Variants in ZNF704 observed in about 807,000 individuals in gnomAD.
ZNF704 encodes the protein glucocorticoid induced gene 1.
Under a neutral mutation model 44.7 loss-of-function variants are expected in ZNF704, and 10 were observed. The observed-to-expected ratio is 0.22, with a 90% CI of 0.14 to 0.38. The LOEUF is 0.38. Among genes scored for constraint, ZNF704 ranks in the 10% least tolerant of loss-of-function variants. The pLI, the probability that ZNF704 is intolerant of heterozygous loss-of-function variation, is 1.00. For synonymous variants in ZNF704, 211 were observed against 207.6 expected (o/e 1.02, Z -0.14); for missense variants, 390 against 545.5 (o/e 0.71, Z 2.84).
chr8:80,872,804 C>T (rs1252557102), intron 1 of ZNF704, among the ~76,000 whole-genome samples: 2 of 152,150 alleles, frequency 1.3e-5, no homozygotes, highest in African/African-American at 4.8e-5. Context: ...AGCAGAAACT[C>T]ACATCCAATT....
intron 2 of ZNF704, among the ~76,000 whole-genome samples, chr8:80,774,544 C>T (rs1011571880): frequency 6.6e-6 from 1 of 152,124 alleles, no homozygotes; most frequent in African/African-American, 2.4e-5. Context: ...TCTGATTCCC[C>T]ACACAGTCTC....
chr8:80,788,588 G>C (rs887118969), intron 2 of ZNF704, among the ~76,000 whole-genome samples: 2 of 152,148 alleles, frequency 1.3e-5, no homozygotes, highest in African/African-American at 4.8e-5. Context: ...ATTTCATCTT[G>C]TGTCTGCCTG....
intron 2 of ZNF704, among the ~76,000 whole-genome samples, chr8:80,693,439 G>A (rs1336359145): frequency 6.6e-6 from 1 of 152,188 alleles, no homozygotes; most frequent in Non-Finnish European, 1.5e-5. Flanking sequence ...GGAGCCTAGA[G>A]GACGGTGGGA....
chr8:80,811,213 C>CA (rs201743045), intron 2 of ZNF704, among the ~76,000 whole-genome samples: 14 of 146,842 alleles, frequency 9.5e-5, no homozygotes, highest in Admixed American at 2.0e-4. Flanking sequence ...ATTGAGCATG[C>CA]AAAAAAAAAG....
chr8:80,755,404 G>A (rs1003274904), intron 2 of ZNF704, among the ~76,000 whole-genome samples: 3 of 152,084 alleles, frequency 2.0e-5, no homozygotes, highest in Non-Finnish European at 2.9e-5. Flanking sequence ...GCAGTGAGCC[G>A]AGATCGTGCC....
At chr8:80,767,765 T>C (rs1405982460) in intron 2 of ZNF704, among the ~76,000 whole-genome samples, 3 of 152,188 alleles carry the variant, frequency 2.0e-5, no homozygotes, top group Non-Finnish European at 4.4e-5. Flanking sequence ...TACAAAGAAA[T>C]TCACTTCGCT....
At chr8:80,868,514 C>T (rs1239933090) in intron 1 of ZNF704, among the ~76,000 whole-genome samples, 1 of 152,224 alleles carries the variant, frequency 6.6e-6, no homozygotes, top group East Asian at 1.9e-4. Flanking sequence ...GATGTGAGCC[C>T]ATGCTCCCCA....
Position 80,687,382 on chromosome 8 carries a change from G to A in ZNF704, c.402C>T (p.Ser134=), listed in dbSNP as rs1306003807. ...STSSSGYWSW[S]APSDQSNPST... is the part of the protein sequence containing the mutation. The stretch of plus-strand genomic sequence containing the variant: ...ACGGGTTGGACTGGTCGCTGGGGGC[G>A]CTCCAGCTCCAGTAGCCGCTGCTGC... The change falls in exon 4 of 9, where the codon AGC becomes AGT. Residue 134 remains serine, a synonymous_variant. Coordinates refer to ENST00000327835, the MANE Select transcript of ZNF704 (RefSeq NM_001033723.3). 2.5e-6 allele frequency: 4 copies of A among 1,604,570 alleles called. No homozygotes were observed. Among genetic ancestry groups the A allele is most frequent in the South Asian group, 1.1e-5 (1 of 90,928 alleles).
chr8:80,838,061 A>G (rs1808611342), intron 1 of ZNF704, among the ~76,000 whole-genome samples: 1 of 152,164 alleles, frequency 6.6e-6, no homozygotes, highest in South Asian at 2.1e-4. Context: ...TCATCTCCCC[A>G]GAGCCCACTC....
intron 3 of ZNF704, among the ~76,000 whole-genome samples, chr8:80,691,950 A>G (rs1206824478): frequency 6.6e-6 from 1 of 152,156 alleles, no homozygotes; most frequent in East Asian, 1.9e-4. Context: ...GTCCAGCACC[A>G]AACTCTTGAT....
chr8:80,718,955 G>A (rs1819118241), intron 2 of ZNF704, among the ~76,000 whole-genome samples: 1 of 149,326 alleles, frequency 6.7e-6, no homozygotes, highest in Admixed American at 6.6e-5. Flanking sequence ...CACAGAGTGA[G>A]CACTCTACAT....
intron 7 of ZNF704, among the ~76,000 whole-genome samples, chr8:80,644,291 C>G (rs140405630): frequency 1.1e-4 from 17 of 152,260 alleles, no homozygotes; most frequent in Non-Finnish European, 2.5e-4. Context: ...TTCTGTCCCT[C>G]AGTCATAGAG....
intron 2 of ZNF704, among the ~76,000 whole-genome samples, chr8:80,700,148 TA>T (rs144095029): frequency 0.092 from 13,934 of 152,270 alleles, 866 homozygotes; most frequent in African/African-American, 0.17. Flanking sequence ...CTAATATTCA[TA>T]AAATACTTTG....
rs532102170 is a variant in ZNF704, at chr8:80,821,266, C to T, written c.221+108G>A. On this transcript the variant is annotated intron_variant, in intron 2 of 8. Coordinates refer to ENST00000327835, the MANE Select transcript of ZNF704 (RefSeq NM_001033723.3). ...ATAGAAAAAATTTCTTGGCAGAAAA[C>T]CTTTCATATGTCTATATACTGAAGA... is the stretch of plus-strand genomic sequence containing the variant. The T allele has an allele frequency of 6.5e-5, 78 of 1,208,214 alleles. 1 individual carries two copies. In the African/African-American group the frequency reaches 8.6e-4, roughly 13 times the overall value. The allele number at this position is 1,208,214 out of a possible 1,614,324, so 74.8% of individuals were successfully genotyped here.
Position 80,636,339 on chromosome 8 carries a change from C to G in ZNF704, c.*5027G>C, listed in dbSNP as rs1186613799. On this transcript the variant is annotated 3_prime_UTR_variant, in exon 9 of 9. Coordinates refer to ENST00000327835, the MANE Select transcript of ZNF704 (RefSeq NM_001033723.3). ...CAGAAGTAAAATTCCCATTTTGGTT[C>G]CTGGTCCTACGATAGATATACCTTT... 1 of 152,148 alleles carries G rather than the reference C, an allele frequency of 6.6e-6. No individual in the cohort carries two copies. The allele number at this position is 152,148 out of a possible 1,614,324, so 9.4% of individuals were successfully genotyped here. A position where few individuals can be genotyped will look rare whatever the true frequency, so the allele number is the denominator to read the frequency against.
chr8:80,787,611 T>A (rs902946330), intron 2 of ZNF704, among the ~76,000 whole-genome samples: 3 of 152,176 alleles, frequency 2.0e-5, no homozygotes, highest in African/African-American at 7.2e-5. Context: ...TTTCTTTAAT[T>A]TTCTAGTTTT....
In ZNF704 at chr8:80,729,930, C is replaced by T. The variant is rs1806549494; in HGVS notation, c.222-36823G>A. Among the ~76,000 whole-genome samples the T allele has an allele frequency of 1.3e-5, 2 of 152,172 alleles. 1 individual carries two copies. The highest frequency in any genetic ancestry group is 1.3e-4 in the Admixed American group (2 of 15,284). On this transcript the variant is annotated intron_variant, in intron 2 of 8. Transcript: ENST00000327835. Reference sequence around the variant, plus strand: ...AAATTTCTGATCAGCCTTACTGCTGCGAATCACCTGGATGGTGGCTTCTCC... The same window carrying T: ...AAATTTCTGATCAGCCTTACTGCTGTGAATCACCTGGATGGTGGCTTCTCC...
intron 2 of ZNF704, among the ~76,000 whole-genome samples, chr8:80,784,822 A>T (rs1360774748): frequency 1.3e-4 from 20 of 152,158 alleles, no homozygotes. Flanking sequence ...CACCATACCC[A>T]AGGTCATCTA....
chr8:80,690,346 T>C (rs186228568), intron 3 of ZNF704, among the ~76,000 whole-genome samples: 1 of 152,316 alleles, frequency 6.6e-6, no homozygotes, highest in East Asian at 1.9e-4. Context: ...TACTTTAAAA[T>C]ACACTTTTCT....
Sources: allele counts gnomAD v4.1 joint callset (sites outside exome capture counted in the v4.1 genomes callset), GRCh38; gene constraint gnomAD v4.1.1; transcripts MANE v1.5; gene names NCBI Gene and HGNC (gene_info 2026-07-23, HGNC 2026-07-21).